Variants in DENND1A observed in about 807,000 individuals in gnomAD.
DENND1A encodes the protein DENN domain-containing protein 1A.
In DENND1A, 51 loss-of-function variants were observed where a neutral mutation model predicts 113.7. That is an observed-to-expected ratio of 0.45 (90% CI 0.36 to 0.57). DENND1A has a LOEUF of 0.57. DENND1A is among the 20% of genes least tolerant of loss of function. DENND1A has a pLI of 0.00. For missense variants in DENND1A, 1,258 were observed against 1,395.9 expected (o/e 0.90, Z 1.57); for synonymous variants, 565 against 570.8 (o/e 0.99, Z 0.14).
chr9:123,694,556 T>A (rs534932329), intron 5 of DENND1A, among the ~76,000 whole-genome samples: 3 of 152,324 alleles, frequency 2.0e-5, no homozygotes, highest in African/African-American at 7.2e-5. Context: ...AATGGCAATC[T>A]CCCAATATTA....
chr9:123,465,308 ATTTTTTTTTTTTT>A (rs60428558), intron 13 of DENND1A, among the ~76,000 whole-genome samples: 1 of 80,118 alleles, frequency 1.2e-5, no homozygotes, highest in South Asian at 4.2e-4. Context: ...TTTGTCTTTG[ATTTTTTTTTTTTT>A]TTTTTTTTTT....
intron 13 of DENND1A, among the ~76,000 whole-genome samples, chr9:123,483,923 T>C (rs997191413): frequency 4.6e-5 from 7 of 152,176 alleles, no homozygotes; most frequent in Admixed American, 4.6e-4. Flanking sequence ...TTTTTTTGTG[T>C]TTTTTTAAAA....
chr9:123,781,797 C>T (rs1316602961), intron 3 of DENND1A, among the ~76,000 whole-genome samples: 2 of 152,078 alleles, frequency 1.3e-5, no homozygotes, highest in African/African-American at 2.4e-5. Context: ...AGGCCGAGCA[C>T]GGTGACTCAT....
chr9:123,536,044 A>C (rs1407168026), intron 13 of DENND1A, among the ~76,000 whole-genome samples: 1 of 152,236 alleles, frequency 6.6e-6, no homozygotes. Context: ...CTGACTATAT[A>C]GCAAAACCTC....
At chr9:123,384,981 AAAAC>A (rs981729737) in intron 22 of DENND1A, among the ~76,000 whole-genome samples, 17 of 151,430 alleles carry the variant, frequency 1.1e-4, no homozygotes, top group Admixed American at 8.5e-4. Flanking sequence ...ACAAAACAAA[AAAAC>A]AAACAAAAAA....
At chr9:123,926,866 C>A (rs543177953) in intron 1 of DENND1A, among the ~76,000 whole-genome samples, 2 of 150,720 alleles carry the variant, frequency 1.3e-5, no homozygotes, top group Non-Finnish European at 2.9e-5. Flanking sequence ...CAGCATGGTA[C>A]GGGACACAGA....
chr9:123,414,409 C>T lies in DENND1A; in HGVS notation c.1489-2580G>A, dbSNP rs1283106357. The T allele has an allele frequency of 1.2e-5, 17 of 1,438,920 alleles. No individual in the cohort carries two copies. In the Admixed American group the frequency reaches 2.7e-4, roughly 23 times the overall value. The allele number at this position is 1,438,920 out of a possible 1,614,324, so 89.1% of individuals were successfully genotyped here. On this transcript the variant is annotated intron_variant, in intron 19 of 23. Transcript: ENST00000394215. ...AGAGAGGACTTAAAAAAATGTCCAC[C>T]CAGTCTTGGCACTTGGCAGATGAAA...
chr9:123,488,920 A>G (rs2133926707), intron 13 of DENND1A, among the ~76,000 whole-genome samples: 1 of 152,322 alleles, frequency 6.6e-6, no homozygotes, highest in South Asian at 2.1e-4. Context: ...AATGCTTACA[A>G]TTCGGCCAGG....
intron 5 of DENND1A, 91 bp downstream of exon 5, chr9:123,757,612 T>C: frequency 1.9e-6 from 3 of 1,540,410 alleles, no homozygotes; most frequent in Non-Finnish European, 2.6e-6. Flanking sequence ...GAAAATGAAA[T>C]GAACAGCTGG....
At chr9:123,677,098 C>G (rs1336042610) in intron 5 of DENND1A, among the ~76,000 whole-genome samples, 1 of 152,192 alleles carries the variant, frequency 6.6e-6, no homozygotes, top group Non-Finnish European at 1.5e-5. Context: ...GTCCCCTGGC[C>G]TCTCCCAGCA....
intron 13 of DENND1A, among the ~76,000 whole-genome samples, chr9:123,470,897 T>C (rs2049359705): frequency 6.6e-6 from 1 of 152,182 alleles, no homozygotes; most frequent in Non-Finnish European, 1.5e-5. Flanking sequence ...TCTCTGGTGT[T>C]GAAACGGGCC....
chr9:123,897,172 G>A (rs958101011), intron 1 of DENND1A, among the ~76,000 whole-genome samples: 2 of 152,186 alleles, frequency 1.3e-5, no homozygotes, highest in Non-Finnish European at 2.9e-5. Flanking sequence ...TTCATGGAGC[G>A]CTATTTGAGG....
At chr9:123,830,763 G>A (rs1440857162) in intron 2 of DENND1A, among the ~76,000 whole-genome samples, 1 of 150,784 alleles carries the variant, frequency 6.6e-6, no homozygotes, top group African/African-American at 2.4e-5. Context: ...CTACTCGGGA[G>A]GCTGAGACAG....
chr9:123,755,688 A>C (rs575329729), intron 5 of DENND1A, among the ~76,000 whole-genome samples: 66 of 152,302 alleles, frequency 4.3e-4, no homozygotes, highest in Admixed American at 1.1e-3. Context: ...GAAGATGCTG[A>C]GGATGAAGGC....
At chr9:123,928,422 G>C (rs1470857986) in intron 1 of DENND1A, among the ~76,000 whole-genome samples, 2 of 152,166 alleles carry the variant, frequency 1.3e-5, no homozygotes, top group Non-Finnish European at 1.5e-5. Context: ...ACTCTTACTT[G>C]GAAGCAGGAG....
chr9:123,790,753 A>G (rs759360266), intron 3 of DENND1A, among the ~76,000 whole-genome samples: 2 of 152,160 alleles, frequency 1.3e-5, no homozygotes, highest in Non-Finnish European at 1.5e-5. Context: ...AATAGCCTAT[A>G]TTTCTCTCAG....
At chr9:123,667,216 G>T (rs1377304570) in intron 7 of DENND1A, 137 bp from the exon 8 acceptor site, 3 of 816,230 alleles carry the variant, frequency 3.7e-6, no homozygotes, top group Non-Finnish European at 3.8e-6. Flanking sequence ...AACACCCATG[G>T]AATATTTTCT....
At chr9:123,756,038 G>C (rs1389484843) in intron 5 of DENND1A, among the ~76,000 whole-genome samples, 1 of 152,172 alleles carries the variant, frequency 6.6e-6, no homozygotes, top group African/African-American at 2.4e-5. Flanking sequence ...AGCCTCCCAA[G>C]TAGCTGGGAT....
At chr9:123,597,851 A>G (rs1185801797) in intron 11 of DENND1A, among the ~76,000 whole-genome samples, 1 of 152,166 alleles carries the variant, frequency 6.6e-6, no homozygotes, top group Non-Finnish European at 1.5e-5. Context: ...AGGCTTCATT[A>G]ATGCTACTCA....
Sources: allele counts gnomAD v4.1 joint callset (sites outside exome capture counted in the v4.1 genomes callset), GRCh38; gene constraint gnomAD v4.1.1; transcripts MANE v1.5; gene names NCBI Gene and HGNC (gene_info 2026-07-23, HGNC 2026-07-21).